STON2: variants seen among roughly 807,000 people sequenced by gnomAD.
The protein encoded by STON2 is stonin 2, also known as stonin-2.
STON2 carries 29 observed loss-of-function variants against 65.7 expected under a neutral mutation model. The ratio of observed to expected loss-of-function variants is 0.44; its 90% CI spans 0.33 to 0.60. The LOEUF (loss-of-function observed/expected upper bound fraction) is 0.60. STON2 is among the 20% of genes least tolerant of loss of function. The pLI is 0.03. For missense variants in STON2, 1,054 were observed against 1,118.1 expected (o/e 0.94, Z 0.82); for synonymous variants, 404 against 414.2 (o/e 0.98, Z 0.30).
chr14:81,332,683 G>A (rs1319677430), intron 4 of STON2, among the ~76,000 whole-genome samples: 1 of 152,112 alleles, frequency 6.6e-6, no homozygotes, highest in African/African-American at 2.4e-5. Context: ...CAGGGAAGAA[G>A]CTGTCATATG....
intron 5 of STON2, among the ~76,000 whole-genome samples, chr14:81,282,492 C>T (rs1895163160): frequency 2.0e-5 from 3 of 152,188 alleles, no homozygotes; most frequent in African/African-American, 2.4e-5. Flanking sequence ...TAGATGTAGG[C>T]TGTTCTTAGT....
intron 5 of STON2, among the ~76,000 whole-genome samples, chr14:81,295,199 C>T (rs1174847597): frequency 6.6e-6 from 1 of 152,146 alleles, no homozygotes; most frequent in Non-Finnish European, 1.5e-5. Flanking sequence ...GTGGCGGGCA[C>T]CTGTAGTCCC....
intron 3 of STON2, among the ~76,000 whole-genome samples, chr14:81,389,002 A>T (rs1010743789): frequency 1.3e-5 from 2 of 152,116 alleles, no homozygotes; most frequent in African/African-American, 2.4e-5. Flanking sequence ...TTCTCTTACG[A>T]CCTTCTCACA....
chr14:81,357,200 C>G (rs1337958362), intron 4 of STON2, among the ~76,000 whole-genome samples: 3 of 151,046 alleles, frequency 2.0e-5, no homozygotes, highest in African/African-American at 7.3e-5. Context: ...AACAAATTTA[C>G]AAGAAAAAAA....
intron 1 of STON2, among the ~76,000 whole-genome samples, chr14:81,427,913 C>G (rs1225085418): frequency 6.6e-6 from 1 of 152,126 alleles, no homozygotes; most frequent in Non-Finnish European, 1.5e-5. Context: ...CAGGGCATAG[C>G]TTCTAGATCT....
chr14:81,391,097 C>G (rs11626313), intron 3 of STON2, among the ~76,000 whole-genome samples: 6,107 of 152,278 alleles, frequency 0.04, 177 homozygotes, highest in Admixed American at 0.065. Flanking sequence ...CTCCCCATCT[C>G]AAAATCCTTA....
intron 5 of STON2, among the ~76,000 whole-genome samples, chr14:81,294,106 T>C (rs955724848): frequency 6.6e-6 from 1 of 152,184 alleles, no homozygotes; most frequent in African/African-American, 2.4e-5. Flanking sequence ...AGACAAGAGA[T>C]AGATGAAAAG....
At chr14:81,435,971 T>TC in intron 1 of STON2, 1 of 152,200 alleles carries the variant, frequency 6.6e-6, no homozygotes, top group East Asian at 1.9e-4. Flanking sequence ...TGTTGTCGCC[T>TC]CCCCACTCGG....
At position 81,323,918 on chromosome 14, in the gene STON2, T is replaced by C. The variant is rs193262929; in HGVS notation, c.742+99A>G. Among the ~76,000 whole-genome samples the C allele has an allele frequency of 5.3e-5, 8 of 151,972 alleles. No homozygotes were observed. In the East Asian group the frequency reaches 1.2e-3, roughly 22 times the overall value. ...AACTAACCAAACAAAACACCTTCAA[T>C]TGTCTCAGAAATTCTGCCATCTAAA... On this transcript the variant is annotated intron_variant, in intron 5 of 7. Coordinates refer to ENST00000614646, the MANE Select transcript of STON2 (RefSeq NM_001394390.1).
At chr14:81,312,175 TG>T (rs1896450202) in intron 5 of STON2, among the ~76,000 whole-genome samples, 1 of 152,172 alleles carries the variant, frequency 6.6e-6, no homozygotes, top group Non-Finnish European at 1.5e-5. Context: ...GAAATGGTTC[TG>T]GGATGGATAG....
At chr14:81,324,505 C>T (rs542001479) in intron 4 of STON2, among the ~76,000 whole-genome samples, 2 of 152,302 alleles carry the variant, frequency 1.3e-5, no homozygotes, top group Admixed American at 6.5e-5. Flanking sequence ...TTGTTTCCTC[C>T]GAGTTAGAGT....
At chr14:81,412,979 C>A in intron 2 of STON2, 1 of 1,058,586 alleles carries the variant, frequency 9.4e-7, no homozygotes, top group Non-Finnish European at 1.4e-6. Flanking sequence ...CATGTGCGAC[C>A]AAAAGGCCGT....
At chr14:81,310,996 C>G (rs1412717056) in intron 5 of STON2, among the ~76,000 whole-genome samples, 1 of 152,138 alleles carries the variant, frequency 6.6e-6, no homozygotes, top group Non-Finnish European at 1.5e-5. Flanking sequence ...ACTGATATCC[C>G]TCGAGTACTT....
intron 5 of STON2, among the ~76,000 whole-genome samples, chr14:81,299,090 C>T (rs1429936549): frequency 6.6e-6 from 1 of 152,184 alleles, no homozygotes; most frequent in African/African-American, 2.4e-5. Context: ...GTTCTAGCCA[C>T]ATGGCTCAGA....
intron 4 of STON2, among the ~76,000 whole-genome samples, chr14:81,327,238 A>AT (rs1370565103): frequency 1.3e-5 from 2 of 151,874 alleles, no homozygotes; most frequent in South Asian, 4.2e-4. Context: ...AATATATCAA[A>AT]TTTTTTTTTA....
At chr14:81,355,529 T>C (rs537450952) in intron 4 of STON2, among the ~76,000 whole-genome samples, 1 of 152,296 alleles carries the variant, frequency 6.6e-6, no homozygotes, top group East Asian at 1.9e-4. Flanking sequence ...CAACCAAGAA[T>C]ACTTCGTTCA....
chr14:81,418,691 T>A (rs1024684864), intron 2 of STON2, among the ~76,000 whole-genome samples: 1 of 152,234 alleles, frequency 6.6e-6, no homozygotes, highest in Non-Finnish European at 1.5e-5. Context: ...GTTCCTGGGA[T>A]CTTTTCTGCC....
intron 3 of STON2, among the ~76,000 whole-genome samples, chr14:81,392,396 C>T (rs1012670954): frequency 1.3e-5 from 2 of 152,082 alleles, no homozygotes; most frequent in African/African-American, 2.4e-5. Flanking sequence ...TGTTTCCCCT[C>T]TTTTTTCCTT....
intron 2 of STON2, among the ~76,000 whole-genome samples, chr14:81,411,334 ACACT>A (rs10594130): frequency 0.028 from 4,200 of 152,318 alleles, 204 homozygotes; most frequent in African/African-American, 0.095. Flanking sequence ...ATCTTCTCTC[ACACT>A]CTTTCCTTAA....
Sources: allele counts gnomAD v4.1 joint callset (sites outside exome capture counted in the v4.1 genomes callset), GRCh38; gene constraint gnomAD v4.1.1; transcripts MANE v1.5; gene names NCBI Gene and HGNC (gene_info 2026-07-23, HGNC 2026-07-21).